The following PCDHGA9 variants were observed in gnomAD, a reference collection of about 807,000 sequenced individuals.
The protein encoded by PCDHGA9 is protocadherin gamma-A9.
PCDHGA9 carries 37 observed loss-of-function variants against 62.5 expected under a neutral mutation model. The observed-to-expected ratio is 0.59, with a 90% CI of 0.46 to 0.78. PCDHGA9 has a LOEUF of 0.78. Ranked by LOEUF, PCDHGA9 falls within the 30% of genes least tolerant of loss-of-function variation. The pLI is 0.00. For synonymous variants in PCDHGA9, 459 were observed against 484.6 expected (o/e 0.95, Z 0.69); for missense variants, 1,138 against 1,166.2 (o/e 0.98, Z 0.35).
intron 1 of PCDHGA9, chr5:141,423,522 G>A: frequency 6.2e-7 from 1 of 1,613,850 alleles, no homozygotes; most frequent in South Asian, 1.1e-5. Context: ...CGGACTCGCA[G>A]AAGAGTCACC....
Position 141,485,684 on chromosome 5 carries a change from A to T in PCDHGA9, c.2425-9123A>T, listed in dbSNP as rs746176226. On this transcript the variant is annotated intron_variant, in intron 1 of 3. Transcript: ENST00000573521. The surrounding 1 kb of genome is among the most constrained non-coding windows in gnomAD (Gnocchi z 5.7). ...GGGGAGCAATTCGATTAGCAGCTAT[A>T]GGCTGAGCTCCAATGAACACTTTGC... 1 of 1,614,056 alleles carries T rather than the reference A, an allele frequency of 6.2e-7. No homozygotes were observed. The highest frequency in any genetic ancestry group is 1.1e-5 in the South Asian group (1 of 91,082).
intron 1 of PCDHGA9, chr5:141,427,316 C>G: frequency 2.2e-6 from 1 of 457,002 alleles, no homozygotes; most frequent in Non-Finnish European, 4.4e-6. Context: ...ATGCCCCAGA[C>G]GTGGTTTTTA....
At chr5:141,440,155 A>C (rs1250255277) in intron 1 of PCDHGA9, 1 of 152,238 alleles carries the variant, frequency 6.6e-6, no homozygotes, top group Non-Finnish European at 1.5e-5. Flanking sequence ...CCCCAATTAT[A>C]GCTTGGGCCA....
At chr5:141,408,228 G>C (rs1233027944) in intron 1 of PCDHGA9, 2 of 1,564,122 alleles carry the variant, frequency 1.3e-6, no homozygotes, top group South Asian at 2.3e-5. Flanking sequence ...GCGCAGAGGC[G>C]CCGGGCCGGC....
chr5:141,486,879 G>A lies in PCDHGA9; in HGVS notation c.2425-7928G>A, dbSNP rs1371072899. 7 of 1,614,228 alleles carry A rather than the reference G, an allele frequency of 4.3e-6. No homozygotes were observed. Among genetic ancestry groups the A allele is most frequent in the Non-Finnish European group, 4.2e-6 (5 of 1,180,046 alleles). On this transcript the variant is annotated intron_variant, in intron 1 of 3. Coordinates refer to ENST00000573521, the MANE Select transcript of PCDHGA9 (RefSeq NM_018921.3). The surrounding 1 kb of genome is among the most constrained non-coding windows in gnomAD (Gnocchi z 5.0). Reference sequence around the variant, plus strand: ...AATGCTCCAGCTGTGCTCCGTCCTCGGGCCCGGCCTGGTTCCTTATGTCCC... The same window carrying A: ...AATGCTCCAGCTGTGCTCCGTCCTCAGGCCCGGCCTGGTTCCTTATGTCCC...
At chr5:141,435,058 A>G (rs1161891073) in intron 1 of PCDHGA9, among the ~76,000 whole-genome samples, 3 of 152,234 alleles carry the variant, frequency 2.0e-5, no homozygotes, top group East Asian at 3.9e-4. Flanking sequence ...ACCATGCAGC[A>G]GTTTTGTGTA....
intron 1 of PCDHGA9, among the ~76,000 whole-genome samples, chr5:141,484,045 G>A (rs934525987): frequency 7.9e-5 from 12 of 152,026 alleles, no homozygotes; most frequent in African/African-American, 2.9e-4. Context: ...AGCTCCAAGA[G>A]GTCCCCTGGG....
intron 1 of PCDHGA9, chr5:141,428,210 A>T: frequency 7.7e-7 from 1 of 1,293,350 alleles, no homozygotes; most frequent in Non-Finnish European, 1.1e-6. Flanking sequence ...GCTACGCTTC[A>T]CCTAGTCTTC....
chr5:141,410,737 C>A, intron 1 of PCDHGA9: 1 of 1,295,554 alleles, frequency 7.7e-7, no homozygotes, highest in East Asian at 2.5e-5. Context: ...TAGCTTTTTA[C>A]AATATTTTCT....
rs1308866536 is a variant in PCDHGA9 at position 141,464,896 on chromosome 5, GT to G, written c.2425-29910del. On this transcript the variant is annotated intron_variant, in intron 1 of 3. Coordinates refer to ENST00000573521, the MANE Select transcript of PCDHGA9 (RefSeq NM_018921.3). ...TAGGACTACAGATGGATGCCACCAT[GT>G]CCAGCTAATTTTTTTATTTTTTTGT... 2.0e-5 allele frequency among the ~76,000 whole-genome samples: 3 copies of G among 151,672 alleles called. No homozygotes were observed. The East Asian group carries it at 5.8e-4, about 30-fold the overall frequency.
chr5:141,458,340 G>C (rs4551132), intron 1 of PCDHGA9, among the ~76,000 whole-genome samples: 42,372 of 151,882 alleles, frequency 0.28, 6,646 homozygotes, highest in African/African-American at 0.43. Context: ...TTTAAGGAGT[G>C]GAGAGTTTAA....
At position 141,507,794 on chromosome 5, in the gene PCDHGA9, C is replaced by CT. The variant is rs576191739; in HGVS notation, c.2572+2314dup. On this transcript the variant is annotated intron_variant, in intron 3 of 3. Coordinates refer to ENST00000573521, the MANE Select transcript of PCDHGA9 (RefSeq NM_018921.3). ...CACAGGGCCTGACCCTCGTCTAAGC[C>CT]TGCGCCCTGGGGAACGGACCCTGGG... 7.9e-4 allele frequency among the ~76,000 whole-genome samples: 120 copies of CT among 152,356 alleles called. 2 individuals carry two copies. The highest frequency in any genetic ancestry group is 2.8e-3 in the African/African-American group (115 of 41,592).
intron 1 of PCDHGA9, among the ~76,000 whole-genome samples, chr5:141,437,842 A>G (rs1372385076): frequency 2.0e-5 from 3 of 150,650 alleles, no homozygotes; most frequent in East Asian, 3.9e-4. Context: ...GGTTCATGCT[A>G]TTCTCCTGCC....
chr5:141,403,552 G>A lies in PCDHGA9; in HGVS notation c.600G>A (p.Leu200=), dbSNP rs1228068556. Residue 200 remains leucine (L), a synonymous_variant, in exon 1 of 4, where the codon CTG becomes CTA. Transcript: ENST00000573521. ...CAGAGCTGGTGCTGGAGCGCGCCCT[G>A]GACAGGGAGGAGGCAACTGCCCACC... ...INPELVLERA[L]DREEATAHHL... 2 of 1,613,892 alleles carry A rather than the reference G, an allele frequency of 1.2e-6. No homozygotes were observed. Among genetic ancestry groups the A allele is most frequent in the African/African-American group, 1.3e-5 (1 of 74,944 alleles).
intron 1 of PCDHGA9, chr5:141,417,974 G>A: frequency 6.2e-7 from 1 of 1,613,856 alleles, no homozygotes. Flanking sequence ...CTCGATTCCG[G>A]AGGAGCTGGC....
Position 141,490,387 on chromosome 5 carries a change from G to C in PCDHGA9, c.2425-4420G>C. 2 of 1,614,196 alleles carry C rather than the reference G, an allele frequency of 1.2e-6. No individual in the cohort carries two copies. The highest frequency in any genetic ancestry group is 1.7e-6 in the Non-Finnish European group (2 of 1,180,034). On this transcript the variant is annotated intron_variant, in intron 1 of 3. Transcript: ENST00000573521. This position sits in a 1 kb window ranked among gnomAD's most constrained non-coding sequence, Gnocchi z 5.4. ...GCGAGACCGGGACTCAGGTAGAAATGGTGAAGTGAGCCTTGATATCTCTCC... is the reference window on the plus strand; with the variant it reads ...GCGAGACCGGGACTCAGGTAGAAATCGTGAAGTGAGCCTTGATATCTCTCC...
Position 141,427,790 on chromosome 5 carries a change from C to T in PCDHGA9, c.2424+22414C>T, listed in dbSNP as rs1212280689. ...TGGAGCTGCGGGCACTGTCGTCCTACGTGTCCGTGAGCGCACAGAGCGGGG... is the reference window on the plus strand; with the variant it reads ...TGGAGCTGCGGGCACTGTCGTCCTATGTGTCCGTGAGCGCACAGAGCGGGG... On this transcript the variant is annotated intron_variant, in intron 1 of 3. Transcript: ENST00000573521. 2.0e-6 allele frequency: 3 copies of T among 1,482,108 alleles called. No homozygotes were observed. The Admixed American group carries it at 5.0e-5, about 25-fold the overall frequency. 91.8% of individuals were successfully genotyped at this position (1,482,108 alleles called of 1,614,324 possible).
At position 141,476,761 on chromosome 5, in the gene PCDHGA9, G is replaced by C. The variant is rs1293828206; in HGVS notation, c.2425-18046G>C. ...AGCCTAGTCTCCAGTTAGTGCTGAC[G>C]GCGTTGGACGGAGGGACCCCAGCTC... On this transcript the variant is annotated intron_variant, in intron 1 of 3. Transcript: ENST00000573521. This position sits in a 1 kb window ranked among gnomAD's most constrained non-coding sequence, Gnocchi z 7.6. 6.2e-7 allele frequency: 1 copy of C among 1,613,734 alleles called. No individual in the cohort carries two copies. Among genetic ancestry groups the C allele is most frequent in the East Asian group, 2.2e-5 (1 of 44,884 alleles).
At chr5:141,420,036 G>A (rs1370492350) in intron 1 of PCDHGA9, 1 of 1,614,078 alleles carries the variant, frequency 6.2e-7, no homozygotes. Flanking sequence ...GCAGGAGACT[G>A]CTTTGAGTCA....
Sources: gnomAD v4.1 joint callset for allele counts (sites outside exome capture counted in the v4.1 genomes callset) on GRCh38, gnomAD v4.1.1 for gene constraint, Gnocchi (gnomAD v3.1) non-coding constraint, MANE v1.5 for transcripts, NCBI Gene and HGNC (gene_info 2026-07-23, HGNC 2026-07-21) for gene names.